The following IGF2BP2 variants were observed in gnomAD, a reference collection of about 807,000 sequenced individuals.
IGF2BP2 encodes the protein insulin like growth factor 2 mRNA binding protein 2.
IGF2BP2 carries 17 observed loss-of-function variants against 75.8 expected under a neutral mutation model. The ratio of observed to expected loss-of-function variants is 0.22; its 90% CI spans 0.15 to 0.34. The LOEUF (loss-of-function observed/expected upper bound fraction) is 0.34, where lower values mean the gene tolerates loss of function less well. IGF2BP2 is among the 10% of genes least tolerant of loss of function. IGF2BP2 has a pLI of 1.00. For synonymous variants in IGF2BP2, 288 were observed against 295.6 expected (o/e 0.97, Z 0.26); for missense variants, 516 against 772.4 (o/e 0.67, Z 3.93).
intron 2 of IGF2BP2, among the ~76,000 whole-genome samples, chr3:185,797,129 GAGAC>G (rs1467259289): frequency 6.6e-6 from 1 of 152,200 alleles, no homozygotes; most frequent in Non-Finnish European, 1.5e-5. Context: ...AGAAGGATAA[GAGAC>G]AGAATTCTCT....
intron 2 of IGF2BP2, among the ~76,000 whole-genome samples, chr3:185,818,855 A>G (rs1740955553): frequency 6.6e-6 from 1 of 152,220 alleles, no homozygotes; most frequent in African/African-American, 2.4e-5. Context: ...AAAATCATTT[A>G]CATTTCCTCA....
chr3:185,801,578 A>G (rs1449783559), intron 2 of IGF2BP2, among the ~76,000 whole-genome samples: 1 of 152,116 alleles, frequency 6.6e-6, no homozygotes, highest in Non-Finnish European at 1.5e-5. Context: ...TTGGGAGTGC[A>G]AATTAGTTCA....
intron 2 of IGF2BP2, among the ~76,000 whole-genome samples, chr3:185,705,379 G>A (rs1723881873): frequency 6.6e-6 from 1 of 152,188 alleles, no homozygotes; most frequent in South Asian, 2.1e-4. Context: ...ACAGGCATGA[G>A]CCACTGTGCC....
At chr3:185,805,667 T>TA (rs1455410277) in intron 2 of IGF2BP2, among the ~76,000 whole-genome samples, 1 of 152,098 alleles carries the variant, frequency 6.6e-6, no homozygotes, top group Non-Finnish European at 1.5e-5. Context: ...AACAAGGACA[T>TA]AGAGTTATAG....
Position 185,820,866 on chromosome 3 carries a change from T to C in IGF2BP2, c.239+2287A>G, listed in dbSNP as rs184956203. The C allele has an allele frequency of 1.7e-5, 11 of 652,082 alleles. No homozygotes were observed. The African/African-American group carries it at 2.0e-4, about 12-fold the overall frequency. The allele number at this position is 652,082 out of a possible 1,614,324, so 40.4% of individuals were successfully genotyped here. A position where few individuals can be genotyped will look rare whatever the true frequency, so the allele number is the denominator to read the frequency against. On this transcript the variant is annotated intron_variant, in intron 2 of 15. Transcript: ENST00000382199. ...TGAACTATTTTCTTCCCATTTTCAT[T>C]TCAACTAACACAAAAACCACATATA...
chr3:185,785,935 T>C (rs770943211), intron 2 of IGF2BP2, among the ~76,000 whole-genome samples: 8 of 152,206 alleles, frequency 5.3e-5, no homozygotes, highest in African/African-American at 1.4e-4. Flanking sequence ...ACAAATTAAA[T>C]AGACTGAAGA....
intron 2 of IGF2BP2, among the ~76,000 whole-genome samples, chr3:185,709,250 A>G (rs1375369903): frequency 6.6e-6 from 1 of 152,268 alleles, no homozygotes; most frequent in African/African-American, 2.4e-5. Flanking sequence ...CCATCCTTTC[A>G]GCATCTTGTC....
chr3:185,761,486 C>G (rs1732361681), intron 2 of IGF2BP2, among the ~76,000 whole-genome samples: 1 of 152,184 alleles, frequency 6.6e-6, no homozygotes, highest in Non-Finnish European at 1.5e-5. Context: ...GCTTCACTGC[C>G]AGGAGTGTGA....
chr3:185,649,378 T>G (rs771619154), intron 14 of IGF2BP2, 25 bp downstream of exon 14: 1 of 1,610,848 alleles, frequency 6.2e-7, no homozygotes, highest in Non-Finnish European at 8.5e-7. Context: ...ACCCAGGTGA[T>G]GAAGCGAGCC....
At chr3:185,677,056 T>TAGAG (rs1560276059) in intron 7 of IGF2BP2, among the ~76,000 whole-genome samples, 4 of 55,344 alleles carry the variant, frequency 7.2e-5, no homozygotes, top group African/African-American at 3.3e-4. Context: ...TATATATATA[T>TAGAG]ATATATATAT....
intron 10 of IGF2BP2, among the ~76,000 whole-genome samples, chr3:185,672,028 A>T (rs1718583912): frequency 6.6e-6 from 1 of 152,242 alleles, no homozygotes; most frequent in Admixed American, 6.5e-5. Flanking sequence ...GAACTTACTA[A>T]ATACCAGGCA....
intron 2 of IGF2BP2, among the ~76,000 whole-genome samples, chr3:185,800,497 G>A (rs976872087): frequency 6.6e-6 from 1 of 152,124 alleles, no homozygotes; most frequent in Non-Finnish European, 1.5e-5. Context: ...CCTGCACTTT[G>A]CAAGGCTGAG....
chr3:185,792,691 C>T (rs1736815497), intron 2 of IGF2BP2, among the ~76,000 whole-genome samples: 2 of 149,644 alleles, frequency 1.3e-5, no homozygotes, highest in Non-Finnish European at 3.0e-5. Context: ...GTTCGAACCC[C>T]GGAGGTGGAG....
intron 2 of IGF2BP2, among the ~76,000 whole-genome samples, chr3:185,812,551 T>C (rs943927798): frequency 3.3e-5 from 5 of 152,188 alleles, no homozygotes; most frequent in Non-Finnish European, 5.9e-5. Flanking sequence ...GTCTAAACTT[T>C]CCTCAAGAAA....
intron 2 of IGF2BP2, among the ~76,000 whole-genome samples, chr3:185,789,819 C>T (rs1375504455): frequency 3.3e-5 from 5 of 150,920 alleles, no homozygotes; most frequent in Admixed American, 3.3e-4. Flanking sequence ...CTGCAACCTC[C>T]AACACCCAGG....
intron 2 of IGF2BP2, among the ~76,000 whole-genome samples, chr3:185,735,949 T>C (rs1469792622): frequency 6.6e-6 from 1 of 152,336 alleles, no homozygotes; most frequent in African/African-American, 2.4e-5. Context: ...ATAAACTATA[T>C]GCATACACTT....
chr3:185,694,115 T>G (rs541649796), intron 4 of IGF2BP2, among the ~76,000 whole-genome samples: 2 of 152,280 alleles, frequency 1.3e-5, no homozygotes, highest in South Asian at 4.1e-4. Flanking sequence ...GAGAATTACA[T>G]GTAATAAACC....
At chr3:185,800,718 A>AGAAAGAAAGAAAGAAAG (rs1738103209) in intron 2 of IGF2BP2, among the ~76,000 whole-genome samples, 1 of 143,290 alleles carries the variant, frequency 7.0e-6, no homozygotes. Context: ...GAGCCAAAAA[A>AGAAAGAAAGAAAGAAAG]AAAGAAAGAA....
Position 185,657,315 on chromosome 3 carries a change from G to T in IGF2BP2, c.1357C>A (p.Leu453Met), listed in dbSNP as rs767100703. Residue 453 changes from leucine to methionine, a missense_variant, in exon 12 of 16, where the codon CTG (leucine) becomes ATG (methionine). By Grantham distance (15) the Leu-to-Met change is conservative. Transcript: ENST00000382199. ...IGKKGAHIKQLARFAGASIKI... is the reference protein window; with the variant it reads ...IGKKGAHIKQMARFAGASIKI... ...ATAGAGGCTCCGGCGAATCTCGCCAGCTGTTTGATGTGTGCCCCCTTCTTC... is the reference window on the plus strand; with the variant it reads ...ATAGAGGCTCCGGCGAATCTCGCCATCTGTTTGATGTGTGCCCCCTTCTTC... The T allele has an allele frequency of 2.5e-6, 4 of 1,613,918 alleles. No individual in the cohort carries two copies. The highest frequency in any genetic ancestry group is 3.4e-6 in the Non-Finnish European group (4 of 1,179,892).
Sources: allele counts gnomAD v4.1 joint callset (sites outside exome capture counted in the v4.1 genomes callset), GRCh38; gene constraint gnomAD v4.1.1; transcripts MANE v1.5; gene names NCBI Gene and HGNC (gene_info 2026-07-23, HGNC 2026-07-21).